The following TOX3 variants were observed in gnomAD, a reference collection of about 807,000 sequenced individuals.
TOX3 encodes CAG trinucleotide repeat-containing gene F9 protein.
Under a neutral mutation model 64.3 loss-of-function variants are expected in TOX3, and 22 were observed. The ratio of observed to expected loss-of-function variants is 0.34; its 90% CI spans 0.24 to 0.49. The LOEUF (loss-of-function observed/expected upper bound fraction) is 0.49. Ranked by LOEUF, TOX3 falls within the 20% of genes least tolerant of loss-of-function variation. The pLI is 0.99. For synonymous variants in TOX3, 291 were observed against 273.6 expected (o/e 1.06, Z -0.63); for missense variants, 661 against 714.4 (o/e 0.93, Z 0.85).
At chr16:52,510,959 T>G (rs192367779) in intron 1 of TOX3, among the ~76,000 whole-genome samples, 2 of 151,990 alleles carry the variant, frequency 1.3e-5, no homozygotes, top group African/African-American at 2.4e-5. Context: ...CCTCAGAGAA[T>G]AGCTGACTCC....
In TOX3 at chr16:52,459,590, C is replaced by T. The variant is rs150017108; in HGVS notation, c.408+4344G>A. On this transcript the variant is annotated intron_variant, in intron 3 of 6. Coordinates refer to ENST00000219746, the MANE Select transcript of TOX3 (RefSeq NM_001080430.4). The stretch of plus-strand genomic sequence containing the variant: ...TCAATTTGTATGAGAAATTGCTTGT[C>T]CCCCCATGGCTAAATAGTCATCATC... 3.3e-5 allele frequency among the ~76,000 whole-genome samples: 5 copies of T among 152,176 alleles called. No individual in the cohort carries two copies. The East Asian group carries it at 9.7e-4, about 29-fold the overall frequency.
At chr16:52,512,184 A>G (rs556509430) in intron 1 of TOX3, among the ~76,000 whole-genome samples, 100 of 152,222 alleles carry the variant, frequency 6.6e-4, no homozygotes, top group Non-Finnish European at 1.3e-3. Context: ...ATCAGGACAT[A>G]TTCTGGTAAA....
chr16:52,517,551 A>G (rs1044035101), intron 1 of TOX3, among the ~76,000 whole-genome samples: 3 of 152,198 alleles, frequency 2.0e-5, no homozygotes, highest in Non-Finnish European at 4.4e-5. Context: ...TTATAACATA[A>G]TTAAATAATT....
intron 1 of TOX3, among the ~76,000 whole-genome samples, chr16:52,531,306 C>CCACTGCAATGACTGTCAATAGTGA (rs1962847391): frequency 6.6e-6 from 1 of 152,150 alleles, no homozygotes; most frequent in African/African-American, 2.4e-5. Flanking sequence ...TGATCTATTA[C>CCACTGCAATGACTGTCAATAGTGA]CACTGCAATG....
chr16:52,543,223 T>C (rs78360513), intron 1 of TOX3, among the ~76,000 whole-genome samples: 2,349 of 152,288 alleles, frequency 0.015, 62 homozygotes, highest in African/African-American at 0.053. Context: ...ATCCCTTATC[T>C]GAAATGCTTA....
chr16:52,495,446 G>A (rs1365019549), intron 1 of TOX3, among the ~76,000 whole-genome samples: 2 of 152,218 alleles, frequency 1.3e-5, no homozygotes, highest in Non-Finnish European at 2.9e-5. Flanking sequence ...GGCCTAAAGT[G>A]TGGGGGAAGG....
chr16:52,445,840 T>G, intron 5 of TOX3, 154 bp downstream of exon 5: 1 of 712,748 alleles, frequency 1.4e-6, no homozygotes, highest in Non-Finnish European at 2.3e-6. Context: ...GTTGTTTAGA[T>G]TTATATGTCT....
chr16:52,521,620 T>C (rs1470014529), intron 1 of TOX3, among the ~76,000 whole-genome samples: 1 of 152,240 alleles, frequency 6.6e-6, no homozygotes, highest in Non-Finnish European at 1.5e-5. Flanking sequence ...AGTGATCAAC[T>C]GTGCGTACAC....
At chr16:52,524,904 T>C (rs1481354043) in intron 1 of TOX3, among the ~76,000 whole-genome samples, 1 of 151,886 alleles carries the variant, frequency 6.6e-6, no homozygotes, top group Non-Finnish European at 1.5e-5. Flanking sequence ...CCCACCCCAG[T>C]GTTCTTCTTC....
intron 1 of TOX3, among the ~76,000 whole-genome samples, chr16:52,504,345 T>C (rs1364845694): frequency 6.6e-6 from 1 of 151,800 alleles, no homozygotes; most frequent in Non-Finnish European, 1.5e-5. Flanking sequence ...TGGGCACCTG[T>C]CGTTCCAGCT....
intron 5 of TOX3, 170 bp from the exon 6 acceptor site, chr16:52,444,526 C>CAT: frequency 4.4e-6 from 2 of 451,094 alleles, no homozygotes; most frequent in South Asian, 1.2e-4. Context: ...CACACACACA[C>CAT]ACACACACGG....
In TOX3 at chr16:52,547,112, C is replaced by T; in HGVS notation, c.-389G>A. ...CTGGCCCCGCTCCTCCTCCTCCTCC[C>T]CGGGCGGACTGAGGAGACGAGCCGC... On this transcript the variant is annotated 5_prime_UTR_variant, in exon 1 of 7. Transcript: ENST00000219746. The T allele has an allele frequency of 4.4e-6, 1 of 229,074 alleles. No homozygotes were observed. Among genetic ancestry groups the T allele is most frequent in the Non-Finnish European group, 7.1e-6 (1 of 140,748 alleles). 14.2% of individuals were successfully genotyped at this position (229,074 alleles called of 1,614,324 possible). A position where few individuals can be genotyped will look rare whatever the true frequency, so the allele number is the denominator to read the frequency against.
intron 1 of TOX3, among the ~76,000 whole-genome samples, chr16:52,538,303 A>G (rs757378717): frequency 2.1e-4 from 32 of 152,186 alleles, no homozygotes; most frequent in Non-Finnish European, 1.5e-4. Flanking sequence ...TTTTCTAGTC[A>G]GGTCAGCATT....
At chr16:52,470,604 T>A (rs989772199) in intron 1 of TOX3, among the ~76,000 whole-genome samples, 11 of 152,248 alleles carry the variant, frequency 7.2e-5, no homozygotes, top group African/African-American at 2.7e-4. Flanking sequence ...AGTATGCGAA[T>A]GTAATTACTG....
intron 5 of TOX3, 27 bp from the exon 6 acceptor site, chr16:52,444,383 C>A: frequency 2.0e-6 from 3 of 1,507,310 alleles, no homozygotes; most frequent in Non-Finnish European, 2.7e-6. Context: ...ATTAGCACCA[C>A]CTTTAGCGTA....
At position 52,439,291 on chromosome 16, in the gene TOX3, C is replaced by CT. The variant is rs753789990; in HGVS notation, c.1664dup (p.Gln556AlafsTer46). On this transcript the variant is annotated frameshift_variant, in exon 7 of 7. Coordinates refer to ENST00000219746, the MANE Select transcript of TOX3 (RefSeq NM_001080430.4). LOFTEE classifies it high-confidence loss of function. ...GAGACTGTATTTGCGACTGGTGCTGCTGAGAGGCTGGCTGGGGGCTCCCGA... is the reference window on the plus strand; with the variant it reads ...GAGACTGTATTTGCGACTGGTGCTGCTTGAGAGGCTGGCTGGGGGCTCCCGA... The CT allele has an allele frequency of 9.9e-6, 16 of 1,613,760 alleles. No individual in the cohort carries two copies. The highest frequency in any genetic ancestry group is 1.3e-5 in the Non-Finnish European group (15 of 1,179,876).
intron 5 of TOX3, 134 bp from the exon 6 acceptor site, chr16:52,444,490 T>A (rs1457031383): frequency 1.9e-6 from 1 of 519,074 alleles, no homozygotes; most frequent in Non-Finnish European, 3.3e-6. Flanking sequence ...TTTTTAAATG[T>A]TAGCGCATGC....
chr16:52,519,226 C>G (rs185601101), intron 1 of TOX3, among the ~76,000 whole-genome samples: 154 of 152,310 alleles, frequency 1.0e-3, no homozygotes, highest in Non-Finnish European at 1.6e-3. Flanking sequence ...GCCACTGAAA[C>G]TGACATTCAC....
chr16:52,441,545 T>G (rs1204800066), intron 6 of TOX3, among the ~76,000 whole-genome samples: 1 of 152,220 alleles, frequency 6.6e-6, no homozygotes, highest in Non-Finnish European at 1.5e-5. Context: ...CAACAGTGAT[T>G]GGAATGATTC....
Sources: gnomAD v4.1 joint callset for allele counts (sites outside exome capture counted in the v4.1 genomes callset) on GRCh38, gnomAD v4.1.1 for gene constraint, MANE v1.5 for transcripts, NCBI Gene and HGNC (gene_info 2026-07-23, HGNC 2026-07-21) for gene names.